CCDC57: variants seen among roughly 807,000 people sequenced by gnomAD.
CCDC57 encodes the protein coiled-coil domain-containing protein 57.
Under a neutral mutation model 118.9 loss-of-function variants are expected in CCDC57, and 118 were observed. The ratio of observed to expected loss-of-function variants is 0.99; its 90% CI spans 0.86 to 1.16. The LOEUF (loss-of-function observed/expected upper bound fraction) is 1.16. Ranked by LOEUF, CCDC57 falls within the 50% of genes most tolerant of loss-of-function variation. The pLI, the probability that CCDC57 is intolerant of heterozygous loss-of-function variation, is 0.00. For synonymous variants in CCDC57, 527 were observed against 532.9 expected (o/e 0.99, Z 0.15); for missense variants, 1,300 against 1,320.7 (o/e 0.98, Z 0.24).
intron 19 of CCDC57, among the ~76,000 whole-genome samples, chr17:82,125,146 G>C (rs140013302): frequency 1.1e-4 from 17 of 152,234 alleles, no homozygotes; most frequent in African/African-American, 3.9e-4. Context: ...TCCTTCCTAA[G>C]GCAGAAGGGA....
intron 3 of CCDC57, among the ~76,000 whole-genome samples, chr17:82,198,860 G>A (rs1035100028): frequency 6.6e-6 from 1 of 151,852 alleles, no homozygotes; most frequent in Non-Finnish European, 1.5e-5. Flanking sequence ...GGGCGTGGTG[G>A]CGGGCGCCTG....
exon 3 of CCDC57, chr17:82,201,589 T>TGCTGCTGCA (rs1245248342): frequency 1.2e-6 from 2 of 1,612,812 alleles, no homozygotes. Context: ...CAGCTGCTGC[T>TGCTGCTGCA]GCTGCTGCAG....
chr17:82,157,359 A>C, intron 15 of CCDC57: 1 of 876,802 alleles, frequency 1.1e-6, no homozygotes, highest in Non-Finnish European at 1.4e-6. Flanking sequence ...AACGCTAGGC[A>C]TGGGGCAGGC....
At chr17:82,108,452 A>G (rs1282695243) in intron 19 of CCDC57, among the ~76,000 whole-genome samples, 1 of 152,200 alleles carries the variant, frequency 6.6e-6, no homozygotes, top group Non-Finnish European at 1.5e-5. Flanking sequence ...AGCCTAAAAC[A>G]ACAGTGAGTT....
chr17:82,123,687 G>A (rs1242966991), intron 19 of CCDC57, among the ~76,000 whole-genome samples: 2 of 152,086 alleles, frequency 1.3e-5, no homozygotes, highest in Non-Finnish European at 2.9e-5. Flanking sequence ...TGACCAGAAT[G>A]TAAAAATATT....
intron 11 of CCDC57, among the ~76,000 whole-genome samples, chr17:82,174,601 A>G (rs1359875997): frequency 1.3e-5 from 2 of 152,218 alleles, no homozygotes; most frequent in Non-Finnish European, 2.9e-5. Flanking sequence ...CTGATAAGGT[A>G]CTGGCACCAA....
At chr17:82,115,586 CAT>C (rs954245083) in intron 19 of CCDC57, among the ~76,000 whole-genome samples, 4 of 151,674 alleles carry the variant, frequency 2.6e-5, no homozygotes, top group Admixed American at 2.0e-4. Flanking sequence ...TATTGGGCAA[CAT>C]AGTAAGACCC....
Position 82,212,296 on chromosome 17 carries a change from C to A in CCDC57, c.-211+489G>T, listed in dbSNP as rs1441876292. Among the ~76,000 whole-genome samples the A allele has an allele frequency of 1.3e-5, 2 of 151,576 alleles. No homozygotes were observed. Among genetic ancestry groups the A allele is most frequent in the African/African-American group, 4.9e-5 (2 of 41,228 alleles). On this transcript the variant is annotated intron_variant, in intron 1 of 19. Coordinates refer to ENST00000665763, the Ensembl canonical transcript of CCDC57. The surrounding 1 kb of genome is among the most constrained non-coding windows in gnomAD (Gnocchi z 4.1). The stretch of plus-strand genomic sequence containing the variant: ...AGGGGGTTTCACCATGTTGGCCAGG[C>A]TGGTCTCGAACTCCGGGCCTCAAGC...
rs9303019 is a variant in CCDC57 at position 82,192,025 on chromosome 17, A to G, written c.851+1731T>C. On this transcript the variant is annotated intron_variant, in intron 7 of 19. Coordinates refer to ENST00000665763, the Ensembl canonical transcript of CCDC57. This position sits in a 1 kb window ranked among gnomAD's most constrained non-coding sequence, Gnocchi z 4.0. Reference sequence around the variant, plus strand: ...TTTTGAAACAGAGTCTCACTCTGTCACCCAGGCTGGAGTGCAGTGGCGCGG... The same window carrying G: ...TTTTGAAACAGAGTCTCACTCTGTCGCCCAGGCTGGAGTGCAGTGGCGCGG... 0.76 allele frequency among the ~76,000 whole-genome samples: 112,843 copies of G among 149,408 alleles called. 43,361 individuals carry two copies. The highest frequency in any genetic ancestry group is 0.93 in the East Asian group (4,765 of 5,108).
intron 19 of CCDC57, chr17:82,107,690 G>A: frequency 2.3e-6 from 1 of 441,240 alleles, no homozygotes. Context: ...CAGCTGCACT[G>A]CCCGCTCCCC....
chr17:82,181,480 A>C lies in CCDC57; in HGVS notation c.1212-2291T>G, dbSNP rs570738263. Among the ~76,000 whole-genome samples, 3 of 152,368 alleles carry C rather than the reference A, an allele frequency of 2.0e-5. No homozygotes were observed. In the East Asian group the frequency reaches 5.8e-4, roughly 29 times the overall value. On this transcript the variant is annotated intron_variant, in intron 9 of 19. Transcript: ENST00000665763. ...GCCATGTAAATACTTAACTGCAGCC[A>C]AACAAAAAACAGCACAGCCAAAACC...
chr17:82,163,690 AT>A (rs2043629424), intron 13 of CCDC57, among the ~76,000 whole-genome samples: 2 of 137,908 alleles, frequency 1.5e-5, no homozygotes, highest in South Asian at 5.1e-4. Context: ...AAGATGCCAC[AT>A]AACACAGGGT....
chr17:82,179,954 G>A (rs1263748743), intron 9 of CCDC57, among the ~76,000 whole-genome samples: 1 of 152,234 alleles, frequency 6.6e-6, no homozygotes, highest in African/African-American at 2.4e-5. Flanking sequence ...CCACACACTG[G>A]GGGCAGAATT....
intron 9 of CCDC57, among the ~76,000 whole-genome samples, chr17:82,180,732 C>T (rs1465338858): frequency 1.3e-5 from 2 of 152,232 alleles, no homozygotes; most frequent in Non-Finnish European, 2.9e-5. Flanking sequence ...GCCTCGGCCT[C>T]CCAAAGTGCT....
Position 82,194,142 on chromosome 17 carries a change from T to C in CCDC57, c.619-3A>G, listed in dbSNP as rs1471978229. 2 of 1,609,544 alleles carry C rather than the reference T, an allele frequency of 1.2e-6. No individual in the cohort carries two copies. Among genetic ancestry groups the C allele is most frequent in the Non-Finnish European group, 1.7e-6 (2 of 1,176,724 alleles). On this transcript the variant is annotated splice_polypyrimidine_tract_variant and splice_region_variant and intron_variant, in intron 5 of 19. Transcript: ENST00000665763. ...AGCTCTTTGTGCAGTAGTTTAACCT[T>C]TGAATGATAAAAATGAGTTCAAAAT...
At chr17:82,204,317 C>T (rs930495794) in intron 2 of CCDC57, among the ~76,000 whole-genome samples, 1 of 152,166 alleles carries the variant, frequency 6.6e-6, no homozygotes, top group Admixed American at 6.5e-5. Flanking sequence ...TCCTCGTCTC[C>T]CTCAGCTCCT....
intron 13 of CCDC57, among the ~76,000 whole-genome samples, chr17:82,166,089 C>T (rs929566249): frequency 8.6e-5 from 13 of 150,956 alleles, no homozygotes; most frequent in African/African-American, 3.2e-4. Context: ...GTTTTGAGAA[C>T]AGCCTTGGCA....
At chr17:82,210,478 C>T (rs1046379801) in intron 1 of CCDC57, among the ~76,000 whole-genome samples, 3 of 150,784 alleles carry the variant, frequency 2.0e-5, no homozygotes, top group African/African-American at 7.3e-5. Context: ...TCGAGACCAG[C>T]CTGACCAACA....
At chr17:82,111,994 G>C (rs991261868) in intron 19 of CCDC57, 1 of 150,760 alleles carries the variant, frequency 6.6e-6, no homozygotes, top group African/African-American at 2.4e-5. Flanking sequence ...TGTTTTTTGA[G>C]ACAGGAGTCT....
Sources: allele counts gnomAD v4.1 joint callset (sites outside exome capture counted in the v4.1 genomes callset), GRCh38; gene constraint gnomAD v4.1.1; non-coding constraint Gnocchi (gnomAD v3.1); transcripts MANE v1.5; gene names NCBI Gene and HGNC (gene_info 2026-07-23, HGNC 2026-07-21).